Variants in LINGO2 observed in about 807,000 individuals in gnomAD.
LINGO2 encodes leucine rich repeat and Ig domain containing 2.
A neutral mutation model predicts 30.6 loss-of-function variants in LINGO2; 14 were observed. The observed-to-expected ratio is 0.46, with a 90% CI of 0.30 to 0.72. The LOEUF is 0.72. Among genes scored for constraint, LINGO2 ranks in the 30% least tolerant of loss-of-function variants. The pLI, the probability that LINGO2 is intolerant of heterozygous loss-of-function variation, is 0.07. For missense variants in LINGO2, 729 were observed against 751.7 expected (o/e 0.97, Z 0.35); for synonymous variants, 317 against 288.5 (o/e 1.10, Z -1.00).
chr9:29,175,685 C>A, the LINGO2 span, among the ~76,000 whole-genome samples: 1 of 151,886 alleles, frequency 6.6e-6, no homozygotes, highest in Admixed American at 6.6e-5. Context: ...CACCACCACG[C>A]CTGGCTAATT....
chr9:28,623,842 C>G, intron 1 of LINGO2, among the ~76,000 whole-genome samples: 1 of 151,968 alleles, frequency 6.6e-6, no homozygotes, highest in Admixed American at 6.6e-5. Context: ...GAAAATCATT[C>G]CATTTTTTGT....
the LINGO2 span, among the ~76,000 whole-genome samples, chr9:29,118,437 G>A: frequency 6.6e-6 from 1 of 152,192 alleles, no homozygotes; most frequent in Admixed American, 6.5e-5. Context: ...CAAGGTGGCA[G>A]AAGAGGAGGT....
chr9:27,961,851 A>G (rs767671637), intron 5 of LINGO2, among the ~76,000 whole-genome samples: 41 of 152,232 alleles, frequency 2.7e-4, no homozygotes, highest in Admixed American at 1.3e-4. Context: ...TTCACAGCCA[A>G]TCGGCTGTGG....
chr9:28,322,436 AGTACACACACAC>A, intron 3 of LINGO2, among the ~76,000 whole-genome samples: 1 of 141,658 alleles, frequency 7.1e-6, no homozygotes, highest in African/African-American at 2.8e-5. Flanking sequence ...GTAGGCACTC[AGTACACACACAC>A]ACACACACAC....
chr9:28,104,937 A>C (rs769754868), intron 4 of LINGO2, among the ~76,000 whole-genome samples: 13 of 152,080 alleles, frequency 8.5e-5, no homozygotes, highest in Non-Finnish European at 1.8e-4. Context: ...CTAACAAGAG[A>C]GTTTCACTGC....
chr9:27,991,350 T>C (rs1267535213), intron 5 of LINGO2, among the ~76,000 whole-genome samples: 2 of 152,026 alleles, frequency 1.3e-5, no homozygotes, highest in Non-Finnish European at 2.9e-5. Context: ...CTTGTGGCTT[T>C]GGTCTTTTTA....
chr9:28,941,449 T>C, the LINGO2 span, among the ~76,000 whole-genome samples: 1 of 152,180 alleles, frequency 6.6e-6, no homozygotes, highest in African/African-American at 2.4e-5. Context: ...ATTTACATGC[T>C]AATGATACTG....
the LINGO2 span, among the ~76,000 whole-genome samples, chr9:28,835,009 T>G: frequency 6.6e-6 from 1 of 152,180 alleles, no homozygotes; most frequent in Non-Finnish European, 1.5e-5. Context: ...AGGTAAGGCA[T>G]AGCCAAACAG....
chr9:28,103,642 T>C (rs73643298), intron 4 of LINGO2, among the ~76,000 whole-genome samples: 1,654 of 152,260 alleles, frequency 0.011, 29 homozygotes, highest in African/African-American at 0.037. Context: ...AGCAGAACTA[T>C]TTAGCTTAGC....
At chr9:28,947,665 C>T in the LINGO2 span, among the ~76,000 whole-genome samples, 2 of 151,406 alleles carry the variant, frequency 1.3e-5, no homozygotes, top group East Asian at 3.9e-4. Context: ...ATTATCTGCT[C>T]GTAGTAAGAA....
the LINGO2 span, among the ~76,000 whole-genome samples, chr9:28,752,695 G>A: frequency 6.6e-6 from 1 of 151,970 alleles, no homozygotes; most frequent in Non-Finnish European, 1.5e-5. Flanking sequence ...AGAGAAGTTT[G>A]GAAACATTTT....
chr9:28,193,019 G>A (rs1819876334), intron 4 of LINGO2, among the ~76,000 whole-genome samples: 1 of 152,088 alleles, frequency 6.6e-6, no homozygotes, highest in Admixed American at 6.6e-5. Context: ...GTATAGTGCT[G>A]AATAGCTCAC....
chr9:28,376,600 C>T (rs924852306), intron 2 of LINGO2, among the ~76,000 whole-genome samples: 5 of 152,194 alleles, frequency 3.3e-5, no homozygotes, highest in Non-Finnish European at 7.3e-5. Flanking sequence ...ACAGGTTATT[C>T]ACAGGCAGCT....
chr9:28,823,657 A>C, the LINGO2 span, among the ~76,000 whole-genome samples: 10 of 152,294 alleles, frequency 6.6e-5, no homozygotes, highest in South Asian at 2.1e-3. Context: ...AGAGGAACTG[A>C]AGCCCCAGCC....
the LINGO2 span, among the ~76,000 whole-genome samples, chr9:28,713,784 C>T: frequency 6.6e-6 from 1 of 152,104 alleles, no homozygotes; most frequent in Non-Finnish European, 1.5e-5. Context: ...CTGGCATTGA[C>T]TGGGGATCAT....
intron 4 of LINGO2, among the ~76,000 whole-genome samples, chr9:28,111,001 G>A (rs1826764284): frequency 6.6e-6 from 1 of 152,158 alleles, no homozygotes; most frequent in South Asian, 2.1e-4. Context: ...GCCCATCAAT[G>A]ATAGACTGGA....
chr9:28,759,235 G>A, the LINGO2 span, among the ~76,000 whole-genome samples: 13 of 151,986 alleles, frequency 8.6e-5, no homozygotes, highest in African/African-American at 3.1e-4. Context: ...ATGTTCCTTG[G>A]ATGCTGTATA....
the LINGO2 span, among the ~76,000 whole-genome samples, chr9:29,143,847 G>A: frequency 6.6e-6 from 1 of 152,092 alleles, no homozygotes; most frequent in Admixed American, 6.6e-5. Flanking sequence ...CTTTGTCCGT[G>A]CCTATGTCCT....
chr9:28,048,657 A>G lies in LINGO2; in HGVS notation c.-86-36252T>C, dbSNP rs139970141. On this transcript the variant is annotated intron_variant, in intron 4 of 5. Transcript: ENST00000379992. ...AGAATTTCTAATTATTCAACAAACA[A>G]TATATGCACAGAACACTTATCTACG... Among the ~76,000 whole-genome samples the G allele has an allele frequency of 2.2e-3, 334 of 150,948 alleles. 18 individuals carry two copies. Among genetic ancestry groups the G allele is most frequent in the African/African-American group, 7.9e-3 (324 of 40,904 alleles).
Sources: allele counts gnomAD v4.1 joint callset (sites outside exome capture counted in the v4.1 genomes callset), GRCh38; gene constraint gnomAD v4.1.1; transcripts MANE v1.5; gene names NCBI Gene and HGNC (gene_info 2026-07-23, HGNC 2026-07-21).